AP2A1: variants seen among roughly 807,000 people sequenced by gnomAD.
The protein encoded by AP2A1 is AP-2 complex subunit alpha-1.
A neutral mutation model predicts 107.3 loss-of-function variants in AP2A1; 21 were observed. The ratio of observed to expected loss-of-function variants is 0.20; its 90% confidence interval spans 0.14 to 0.28. The LOEUF (loss-of-function observed/expected upper bound fraction) is 0.28, where lower values mean the gene tolerates loss of function less well. Ranked by LOEUF, AP2A1 falls within the 10% of genes least tolerant of loss-of-function variation. The pLI, the probability that AP2A1 is intolerant of heterozygous loss-of-function variation, is 1.00. For missense variants in AP2A1, 873 were observed against 1,307.7 expected (o/e 0.67, Z 5.13); for synonymous variants, 602 against 564.8 (o/e 1.07, Z -0.93).
At chr19:49,786,196 G>C (rs954192053) in intron 4 of AP2A1, among the ~76,000 whole-genome samples, 9 of 152,196 alleles carry the variant, frequency 5.9e-5, no homozygotes, top group African/African-American at 2.2e-4. Context: ...GCAGTGAGCT[G>C]TGATCATGCC....
chr19:49,778,662 A>G (rs1348418871), intron 1 of AP2A1, among the ~76,000 whole-genome samples: 2 of 152,184 alleles, frequency 1.3e-5, no homozygotes, highest in Non-Finnish European at 2.9e-5. Flanking sequence ...GTGCATCTAA[A>G]CATAGAAAAG....
At chr19:49,802,195 T>G in intron 15 of AP2A1, 54 bp downstream of exon 15, 2 of 1,430,276 alleles carry the variant, frequency 1.4e-6, no homozygotes, top group Non-Finnish European at 1.9e-6. Flanking sequence ...GGGCTGTCCC[T>G]TCTCGGCCTC....
At chr19:49,768,688 A>T (rs895172859) in intron 1 of AP2A1, among the ~76,000 whole-genome samples, 2 of 152,064 alleles carry the variant, frequency 1.3e-5, no homozygotes, top group African/African-American at 4.8e-5. Context: ...ATCACTTGTT[A>T]TGATAAGGGG....
intron 7 of AP2A1, among the ~76,000 whole-genome samples, chr19:49,798,173 G>T (rs192475069): frequency 2.6e-4 from 39 of 152,218 alleles, no homozygotes; most frequent in African/African-American, 9.2e-4. Context: ...TTGAAAACAC[G>T]TCACATTCTA....
intron 4 of AP2A1, 96 bp from the exon 5 acceptor site, chr19:49,791,839 C>T (rs1004198861): frequency 1.2e-5 from 17 of 1,474,562 alleles, no homozygotes; most frequent in Admixed American, 6.1e-5. Context: ...TCGCTGGCCT[C>T]GCACACCCTT....
Position 49,801,546 on chromosome 19 carries a change from C to A in AP2A1, c.1710C>A (p.Arg570=). ...TCCTGCGGGCCGGCTCCCAGCTGCG[C>A]AATGCTGACGTGGAGCTGCAGCAGC... is the stretch of plus-strand genomic sequence containing the variant. ...QGVLRAGSQL[R]NADVELQQRA... Residue 570 remains arginine, a synonymous_variant, in exon 13 of 23, where the codon CGC becomes CGA. Transcript: ENST00000354293. 6.2e-7 allele frequency: 1 copy of A among 1,613,472 alleles called. No individual in the cohort carries two copies. The highest frequency in any genetic ancestry group is 8.5e-7 in the Non-Finnish European group (1 of 1,179,808).
intron 7 of AP2A1, among the ~76,000 whole-genome samples, chr19:49,798,189 CGTG>C (rs1435413999): frequency 1.3e-5 from 2 of 152,210 alleles, no homozygotes; most frequent in African/African-American, 2.4e-5. Context: ...TTCTAGGAAA[CGTG>C]GTGATTGGTG....
At chr19:49,776,508 C>T (rs916282602) in intron 1 of AP2A1, among the ~76,000 whole-genome samples, 2 of 152,170 alleles carry the variant, frequency 1.3e-5, no homozygotes, top group African/African-American at 2.4e-5. Context: ...AGGGATGCCT[C>T]GAGAGCAGGG....
chr19:49,783,647 C>G (rs2084703860), intron 4 of AP2A1, among the ~76,000 whole-genome samples: 1 of 152,186 alleles, frequency 6.6e-6, no homozygotes, highest in Admixed American at 6.5e-5. Flanking sequence ...AGAAGCCGGG[C>G]ACCCAAGCAG....
At chr19:49,797,333 C>T (rs1414762283) in intron 7 of AP2A1, 1 of 152,234 alleles carries the variant, frequency 6.6e-6, no homozygotes, top group Non-Finnish European at 1.5e-5. Flanking sequence ...GATTTCATTA[C>T]TTGGACTTCA....
chr19:49,791,871 G>T (rs1439869964), intron 4 of AP2A1, 64 bp from the exon 5 acceptor site: 8 of 1,528,366 alleles, frequency 5.2e-6, no homozygotes, highest in Non-Finnish European at 6.2e-6. Flanking sequence ...CAGGAGAGGA[G>T]GGGAGGTGTG....
At chr19:49,802,834 T>C in intron 15 of AP2A1, 115 bp from the exon 16 acceptor site, 2 of 1,272,456 alleles carry the variant, frequency 1.6e-6, no homozygotes, top group Non-Finnish European at 1.1e-6. Flanking sequence ...GTGAGGGGTC[T>C]GGATATGTGG....
intron 6 of AP2A1, 48 bp from the exon 7 acceptor site, chr19:49,795,582 G>GCGCCCC: frequency 1.4e-6 from 1 of 692,054 alleles, no homozygotes. Flanking sequence ...GGACCCACGT[G>GCGCCCC]CCCCTCCCAC....
intron 1 of AP2A1, among the ~76,000 whole-genome samples, chr19:49,769,222 G>C (rs2084533488): frequency 6.6e-6 from 1 of 151,454 alleles, no homozygotes; most frequent in African/African-American, 2.4e-5. Context: ...TTGCACTCCA[G>C]GCTGGGCAAC....
chr19:49,767,183 T>C lies in AP2A1; in HGVS notation c.50T>C (p.Ile17Thr). ...GDGMRGLAVFISDIRNCKSKE... is the reference protein window; with the variant it reads ...GDGMRGLAVFTSDIRNCKSKE... ...GGGATGCGGGGGCTCGCGGTGTTCATCTCCGACATCCGGAACTGTGAGCGC... is the reference window on the plus strand; with the variant it reads ...GGGATGCGGGGGCTCGCGGTGTTCACCTCCGACATCCGGAACTGTGAGCGC... Residue 17 changes from isoleucine (I) to threonine (T), a missense_variant, in exon 1 of 23, where the codon ATC becomes ACC. Transcript: ENST00000354293. 1 of 1,611,566 alleles carries C rather than the reference T, an allele frequency of 6.2e-7. No homozygotes were observed. The highest frequency in any genetic ancestry group is 8.5e-7 in the Non-Finnish European group (1 of 1,179,656).
chr19:49,783,423 C>T (rs1249309863), intron 4 of AP2A1, among the ~76,000 whole-genome samples: 3 of 152,104 alleles, frequency 2.0e-5, no homozygotes, highest in Non-Finnish European at 4.4e-5. Flanking sequence ...CTGGGGAGGC[C>T]TAGGCTGCAA....
At chr19:49,773,131 G>A (rs905560037) in intron 1 of AP2A1, among the ~76,000 whole-genome samples, 2 of 152,142 alleles carry the variant, frequency 1.3e-5, no homozygotes, top group South Asian at 4.1e-4. Context: ...AAGGAGGGCA[G>A]GGAGGGCAAA....
In AP2A1 at chr19:49,799,637, G is replaced by T; in HGVS notation, c.1143G>T (p.Arg381=). 6.2e-7 allele frequency: 1 copy of T among 1,610,288 alleles called. No homozygotes were observed. The highest frequency in any genetic ancestry group is 8.5e-7 in the Non-Finnish European group (1 of 1,179,772). ...DTVINALKTE[R]DVSVRQRAAD... is the part of the protein sequence containing the mutation. Reference sequence around the variant, plus strand: ...CTGCTCTCCGCCCTCAGACGGAGCGGGACGTCAGCGTGCGGCAGCGGGCGG... The same window carrying T: ...CTGCTCTCCGCCCTCAGACGGAGCGTGACGTCAGCGTGCGGCAGCGGGCGG... Residue 381 remains arginine (R), a synonymous_variant, in exon 10 of 23, where the codon CGG becomes CGT. Coordinates refer to ENST00000354293, the MANE Select transcript of AP2A1 (RefSeq NM_130787.3).
At chr19:49,778,411 C>T (rs2084638821) in intron 1 of AP2A1, among the ~76,000 whole-genome samples, 1 of 152,120 alleles carries the variant, frequency 6.6e-6, no homozygotes, top group Non-Finnish European at 1.5e-5. Context: ...GGTGAAACCT[C>T]GTCTCTACTA....
Sources: allele counts gnomAD v4.1 joint callset (sites outside exome capture counted in the v4.1 genomes callset), GRCh38; gene constraint gnomAD v4.1.1; transcripts MANE v1.5; gene names NCBI Gene and HGNC (gene_info 2026-07-23, HGNC 2026-07-21).